Variants in KCTD1 observed in about 807,000 individuals in gnomAD.
KCTD1 encodes BTB/POZ domain-containing protein KCTD1.
In KCTD1, 24 loss-of-function variants were observed where a neutral mutation model predicts 66.0. The ratio of observed to expected loss-of-function variants is 0.36; its 90% confidence interval spans 0.26 to 0.51. The LOEUF (loss-of-function observed/expected upper bound fraction) is 0.51. Among genes scored for constraint, KCTD1 ranks in the 20% least tolerant of loss-of-function variants. The probability of loss-of-function intolerance (pLI) is 0.95; values close to 1 mark genes in which losing one functional copy is unlikely to be tolerated. For synonymous variants in KCTD1, 511 were observed against 517.2 expected (o/e 0.99, Z 0.16); for missense variants, 943 against 1,205.2 (o/e 0.78, Z 3.22).
At chr18:26,484,356 A>G (rs756633644) in intron 2 of KCTD1, among the ~76,000 whole-genome samples, 7 of 152,212 alleles carry the variant, frequency 4.6e-5, no homozygotes, top group Non-Finnish European at 1.0e-4. Flanking sequence ...CTGAGGTGGC[A>G]TCATTTTCTT....
intron 1 of KCTD1, among the ~76,000 whole-genome samples, chr18:26,597,268 T>A (rs1218034719): frequency 6.6e-6 from 1 of 151,154 alleles, no homozygotes. Flanking sequence ...AGTGGCCTAG[T>A]GTGGGCTGCT....
At chr18:26,479,026 T>C (rs1028377872) in intron 2 of KCTD1, among the ~76,000 whole-genome samples, 1 of 152,242 alleles carries the variant, frequency 6.6e-6, no homozygotes, top group Non-Finnish European at 1.5e-5. Flanking sequence ...GTCATTTAAA[T>C]GGTTTTTAAG....
chr18:26,552,204 C>G (rs1185146337), upstream of KCTD1, among the ~76,000 whole-genome samples: 2 of 152,326 alleles, frequency 1.3e-5, no homozygotes, highest in Non-Finnish European at 2.9e-5. Context: ...GTTTCCCCCT[C>G]GATTCATAAC....
At chr18:26,573,791 A>G (rs34055304) in intron 1 of KCTD1, among the ~76,000 whole-genome samples, 4,326 of 152,338 alleles carry the variant, frequency 0.028, 99 homozygotes, top group Non-Finnish European at 0.04. Context: ...ATGTTTTTCA[A>G]TTCAATATGT....
intron 1 of KCTD1, among the ~76,000 whole-genome samples, chr18:26,610,708 GAGAA>G (rs1041577254): frequency 2.0e-5 from 3 of 151,952 alleles, no homozygotes; most frequent in South Asian, 2.1e-4. Flanking sequence ...AAGAAAGAAA[GAGAA>G]AGAAAGAAAG....
At chr18:26,473,696 A>G (rs1466643178) in intron 3 of KCTD1, among the ~76,000 whole-genome samples, 2 of 152,138 alleles carry the variant, frequency 1.3e-5, no homozygotes, top group Non-Finnish European at 2.9e-5. Context: ...GCACAAACCA[A>G]ACCCCCATGT....
At chr18:26,473,061 T>C (rs1981154727) in intron 3 of KCTD1, among the ~76,000 whole-genome samples, 1 of 152,178 alleles carries the variant, frequency 6.6e-6, no homozygotes, top group Admixed American at 6.5e-5. Flanking sequence ...CTGAGAGCCC[T>C]GGATAAAATT....
At chr18:26,650,145 CCAGAT>C (rs988735557) in intron 1 of KCTD1, among the ~76,000 whole-genome samples, 5 of 152,156 alleles carry the variant, frequency 3.3e-5, no homozygotes, top group Non-Finnish European at 7.3e-5. Context: ...CAATGCTTCC[CCAGAT>C]CAAATTTGAT....
chr18:26,571,807 A>G (rs901148431), intron 1 of KCTD1, among the ~76,000 whole-genome samples: 5 of 152,100 alleles, frequency 3.3e-5, no homozygotes, highest in African/African-American at 7.2e-5. Flanking sequence ...AGCCATTATT[A>G]AAAAAAGTCA....
Position 26,628,880 on chromosome 18 carries a change from T to A in KCTD1, c.-16+267A>T, listed in dbSNP as rs145716730. The stretch of plus-strand genomic sequence containing the variant: ...GTTTAAATCTGGGACAGAATGATAA[T>A]TTTGTTAGTTCAGAGGTTTTTAAAC... On this transcript the variant is annotated intron_variant, in intron 1 of 4. Coordinates refer to the KCTD1 transcript ENST00000317932. Among the ~76,000 whole-genome samples, 110 of 152,318 alleles carry A rather than the reference T, an allele frequency of 7.2e-4. 1 individual carries two copies. The East Asian group carries it at 0.019, about 26-fold the overall frequency.
intron 1 of KCTD1, among the ~76,000 whole-genome samples, chr18:26,583,696 A>G (rs1282838126): frequency 1.3e-5 from 2 of 152,252 alleles, no homozygotes; most frequent in Non-Finnish European, 2.9e-5. Flanking sequence ...CAACAAAAAT[A>G]CAATGAGGTC....
upstream of KCTD1, chr18:26,549,180 G>T: frequency 1.0e-6 from 1 of 985,868 alleles, no homozygotes; most frequent in South Asian, 4.6e-5. Flanking sequence ...CCCGCGGCCA[G>T]GGCGCAGCGG....
At chr18:26,533,827 TAAAAAAAAA>T (rs143763803) in intron 1 of KCTD1, among the ~76,000 whole-genome samples, 1 of 130,452 alleles carries the variant, frequency 7.7e-6, no homozygotes, top group African/African-American at 2.9e-5. Context: ...AGCTATTATT[TAAAAAAAAA>T]AAAAAAAAAA....
upstream of KCTD1, among the ~76,000 whole-genome samples, chr18:26,552,987 CTTTTTTT>C (rs773910506): frequency 2.2e-5 from 3 of 137,190 alleles, no homozygotes; most frequent in South Asian, 7.1e-4. Context: ...CTTTTTCTTT[CTTTTTTT>C]TTTTTTTTTC....
At chr18:26,604,028 A>G (rs1986958572) in intron 1 of KCTD1, among the ~76,000 whole-genome samples, 1 of 152,190 alleles carries the variant, frequency 6.6e-6, no homozygotes, top group African/African-American at 2.4e-5. Flanking sequence ...AAGGTCTAAT[A>G]TCTAGCATCT....
chr18:26,621,886 T>C (rs1387644341), intron 1 of KCTD1, among the ~76,000 whole-genome samples: 1 of 152,152 alleles, frequency 6.6e-6, no homozygotes, highest in Non-Finnish European at 1.5e-5. Flanking sequence ...GAGAGTTAAA[T>C]TGGTTCCAGA....
At chr18:26,486,380 G>T (rs375699231) in intron 2 of KCTD1, among the ~76,000 whole-genome samples, 22 of 152,326 alleles carry the variant, frequency 1.4e-4, no homozygotes, top group Admixed American at 5.2e-4. Flanking sequence ...CACAGTGTCC[G>T]TCTGTCCCAG....
chr18:26,530,006 C>A (rs1397500356), intron 1 of KCTD1, among the ~76,000 whole-genome samples: 1 of 152,186 alleles, frequency 6.6e-6, no homozygotes, highest in Admixed American at 6.5e-5. Flanking sequence ...AGGATCCAGG[C>A]CTGTCTCTGG....
rs752215483 is a variant in KCTD1, at chr18:26,455,728, A to T, written c.*15T>A. The T allele has an allele frequency of 6.2e-7, 1 of 1,613,584 alleles. No homozygotes were observed. The highest frequency in any genetic ancestry group is 2.2e-5 in the East Asian group (1 of 44,876). On this transcript the variant is annotated 3_prime_UTR_variant, in exon 5 of 5. Transcript: ENST00000580059. ...GTTGTGTGTGTTTTCCTTTTTGCAT[A>T]AGAAATATGTCCATTTAGTCCAGAG...
Sources: gnomAD v4.1 joint callset for allele counts (sites outside exome capture counted in the v4.1 genomes callset) on GRCh38, gnomAD v4.1.1 for gene constraint, MANE v1.5 for transcripts, NCBI Gene and HGNC (gene_info 2026-07-23, HGNC 2026-07-21) for gene names.